Variants in PDE1C observed in about 807,000 individuals in gnomAD.
PDE1C encodes phosphodiesterase 1C, also known as dual specificity calcium/calmodulin-dependent 3',5'-cyclic nucleotide phosphodiesterase 1C.
A neutral mutation model predicts 93.1 loss-of-function variants in PDE1C; 62 were observed. The observed-to-expected ratio is 0.67, with a 90% CI of 0.54 to 0.82. PDE1C has a LOEUF of 0.82. Ranked by LOEUF, PDE1C falls within the 40% of genes least tolerant of loss-of-function variation. The pLI is 0.00. For synonymous variants in PDE1C, 325 were observed against 310.1 expected, an observed-to-expected ratio of 1.05 and a Z score of -0.50; for missense variants, 742 against 884.6, an observed-to-expected ratio of 0.84 and a Z score of 2.04.
intron 2 of PDE1C, among the ~76,000 whole-genome samples, chr7:32,187,207 G>A (rs1418752455): frequency 6.6e-6 from 1 of 151,390 alleles, no homozygotes; most frequent in African/African-American, 2.4e-5. Context: ...TCACCCAGGC[G>A]GGCCTCCAAC....
At chr7:31,754,098 C>G (rs919103568) in intron 17 of PDE1C, among the ~76,000 whole-genome samples, 3 of 152,178 alleles carry the variant, frequency 2.0e-5, no homozygotes, top group Non-Finnish European at 4.4e-5. Flanking sequence ...AACATCTGAA[C>G]AGACTTCACA....
intron 3 of PDE1C, among the ~76,000 whole-genome samples, chr7:32,099,815 A>G (rs1797956392): frequency 2.0e-5 from 3 of 152,020 alleles, no homozygotes. Context: ...CTCTCTCCCA[A>G]CACCCACTCT....
At chr7:32,075,089 A>T (rs1466783562), upstream of PDE1C, among the ~76,000 whole-genome samples, 1 of 152,208 alleles carries the variant, frequency 6.6e-6, no homozygotes, top group East Asian at 1.9e-4. Flanking sequence ...AGCATGCAAC[A>T]ACTATGGTGC....
At chr7:31,980,502 A>G (rs1207481514) in intron 2 of PDE1C, among the ~76,000 whole-genome samples, 1 of 152,188 alleles carries the variant, frequency 6.6e-6, no homozygotes, top group Non-Finnish European at 1.5e-5. Flanking sequence ...ACATTTCATA[A>G]GACTTTTTGG....
intron 1 of PDE1C, among the ~76,000 whole-genome samples, chr7:32,066,811 A>G (rs1332934842): frequency 6.6e-6 from 1 of 152,256 alleles, no homozygotes; most frequent in Non-Finnish European, 1.5e-5. Flanking sequence ...AAGAGATATG[A>G]CAACAGCTCA....
chr7:31,727,769 C>T, the PDE1C span, among the ~76,000 whole-genome samples: 2 of 152,136 alleles, frequency 1.3e-5, no homozygotes, highest in East Asian at 1.9e-4. Context: ...CAGCTGGGCA[C>T]GGTGGCTCAT....
At chr7:32,172,275 T>C (rs1204053247) in intron 2 of PDE1C, among the ~76,000 whole-genome samples, 2 of 151,962 alleles carry the variant, frequency 1.3e-5, no homozygotes, top group Admixed American at 6.6e-5. Context: ...TGGGAGAACA[T>C]TTTTGCAATC....
intron 2 of PDE1C, among the ~76,000 whole-genome samples, chr7:32,012,118 A>G (rs1452532916): frequency 6.6e-6 from 1 of 152,264 alleles, no homozygotes; most frequent in Non-Finnish European, 1.5e-5. Context: ...ATAACTATAA[A>G]GAAATACCTG....
At chr7:32,353,881 C>T (rs917517259) in intron 1 of PDE1C, among the ~76,000 whole-genome samples, 2 of 152,166 alleles carry the variant, frequency 1.3e-5, no homozygotes, top group Non-Finnish European at 2.9e-5. Context: ...AACTGAATAT[C>T]ATGACATCAA....
the PDE1C span, among the ~76,000 whole-genome samples, chr7:31,735,896 CTT>C: frequency 6.6e-6 from 1 of 152,176 alleles, no homozygotes; most frequent in East Asian, 1.9e-4. Context: ...GCTCAAGTCT[CTT>C]ATATAAAGCG....
chr7:31,875,831 A>ATATATATGTATG lies in PDE1C; in HGVS notation c.492+2138_492+2139insCATACATATATA, dbSNP rs761399274. On this transcript the variant is annotated intron_variant, in intron 5 of 17. Coordinates refer to ENST00000396191, the MANE Select transcript of PDE1C (RefSeq NM_001191057.4). The stretch of plus-strand genomic sequence containing the variant: ...TATATATATATATATATATATATAT[A>ATATATATGTATG]TATAATGGAAAAAGTAAAATAACAT... 1.7e-4 allele frequency among the ~76,000 whole-genome samples: 15 copies of ATATATATGTATG among 90,122 alleles called. 1 individual carries two copies. The East Asian group carries it at 5.6e-3, about 33-fold the overall frequency. The allele number at this position is 90,122 out of a possible 152,430, so 59.1% of individuals were successfully genotyped here.
chr7:31,989,784 G>A (rs1273598188), intron 2 of PDE1C, among the ~76,000 whole-genome samples: 1 of 152,146 alleles, frequency 6.6e-6, no homozygotes, highest in African/African-American at 2.4e-5. Flanking sequence ...TTTCTCCTGG[G>A]CAGGCACTTT....
intron 1 of PDE1C, among the ~76,000 whole-genome samples, chr7:32,413,913 T>C (rs1307256245): frequency 2.0e-5 from 3 of 151,964 alleles, no homozygotes; most frequent in African/African-American, 7.3e-5. Flanking sequence ...CCCAAATCCA[T>C]CAATTAAAGG....
chr7:32,079,570 G>A (rs1796539046), intron 3 of PDE1C, among the ~76,000 whole-genome samples: 1 of 152,188 alleles, frequency 6.6e-6, no homozygotes, highest in Admixed American at 6.5e-5. Flanking sequence ...GTAGCCAGAT[G>A]GCAACCCGGG....
intron 2 of PDE1C, among the ~76,000 whole-genome samples, chr7:32,025,730 C>T (rs1355303722): frequency 6.6e-6 from 1 of 152,140 alleles, no homozygotes; most frequent in Non-Finnish European, 1.5e-5. Context: ...CCCATAATTA[C>T]TTACTGAGCG....
intron 2 of PDE1C, among the ~76,000 whole-genome samples, chr7:31,924,314 A>G (rs1803055615): frequency 6.6e-6 from 1 of 152,314 alleles, no homozygotes; most frequent in South Asian, 2.1e-4. Flanking sequence ...ATATTTAACT[A>G]TTCTCCCAAA....
the PDE1C span, among the ~76,000 whole-genome samples, chr7:31,665,330 C>G: frequency 6.6e-6 from 1 of 152,120 alleles, no homozygotes; most frequent in African/African-American, 2.4e-5. Flanking sequence ...CAGTCTATAT[C>G]CATTGATCCT....
chr7:32,042,460 T>C (rs30576), intron 2 of PDE1C, among the ~76,000 whole-genome samples: 108,898 of 152,046 alleles, frequency 0.72, 39,173 homozygotes, highest in Middle Eastern at 0.8. Context: ...CTCTTTTCCA[T>C]GACTTCCTTT....
intron 1 of PDE1C, among the ~76,000 whole-genome samples, chr7:32,260,449 C>T (rs1022809218): frequency 2.6e-5 from 4 of 152,210 alleles, no homozygotes; most frequent in South Asian, 4.1e-4. Context: ...AAAAGGCCCC[C>T]GTGAAACATG....
Sources: allele counts gnomAD v4.1 joint callset (sites outside exome capture counted in the v4.1 genomes callset), GRCh38; gene constraint gnomAD v4.1.1; transcripts MANE v1.5; gene names NCBI Gene and HGNC (gene_info 2026-07-23, HGNC 2026-07-21).